Variants in CAMK1D observed in about 807,000 individuals in gnomAD.
CAMK1D encodes calcium/calmodulin dependent protein kinase ID.
A neutral mutation model predicts 47.7 loss-of-function variants in CAMK1D; 9 were observed. That is an observed-to-expected ratio of 0.19 (90% CI 0.11 to 0.33). The LOEUF is 0.33. CAMK1D is among the 10% of genes least tolerant of loss of function. The probability of loss-of-function intolerance (pLI) is 1.00; values close to 1 mark genes in which losing one functional copy is unlikely to be tolerated. For missense variants in CAMK1D, 291 were observed against 488.7 expected, an observed-to-expected ratio of 0.60 and a Z score of 3.81; for synonymous variants, 184 against 184.9, an observed-to-expected ratio of 0.99 and a Z score of 0.04.
At chr10:12,465,547 G>A (rs556427565) in intron 1 of CAMK1D, among the ~76,000 whole-genome samples, 4 of 152,224 alleles carry the variant, frequency 2.6e-5, no homozygotes, top group African/African-American at 7.2e-5. Context: ...TAGAGATGGC[G>A]TTTCACCATG....
intron 1 of CAMK1D, among the ~76,000 whole-genome samples, chr10:12,420,284 G>T (rs1386309289): frequency 6.6e-6 from 1 of 152,166 alleles, no homozygotes; most frequent in African/African-American, 2.4e-5. Context: ...TAAAAAATAC[G>T]GTATTTTAGT....
chr10:12,641,134 A>G (rs1271947189), intron 2 of CAMK1D, among the ~76,000 whole-genome samples: 1 of 151,832 alleles, frequency 6.6e-6, no homozygotes, highest in Non-Finnish European at 1.5e-5. Flanking sequence ...ATGCCCTGCT[A>G]ATTTTTGTGT....
chr10:12,625,129 G>A (rs1467000641), intron 2 of CAMK1D, among the ~76,000 whole-genome samples: 1 of 151,980 alleles, frequency 6.6e-6, no homozygotes, highest in Non-Finnish European at 1.5e-5. Context: ...CTGAGGTGAG[G>A]AGTTCGAGAC....
At chr10:12,689,446 C>G (rs528660205) in intron 3 of CAMK1D, among the ~76,000 whole-genome samples, 1 of 152,078 alleles carries the variant, frequency 6.6e-6, no homozygotes, top group Admixed American at 6.6e-5. Context: ...GTAAAAGTAC[C>G]CGTGAAGTGG....
At chr10:12,668,621 G>T (rs988198186) in intron 3 of CAMK1D, among the ~76,000 whole-genome samples, 1 of 152,196 alleles carries the variant, frequency 6.6e-6, no homozygotes, top group African/African-American at 2.4e-5. Flanking sequence ...TAGGTCTTCA[G>T]TACACGTGGT....
chr10:12,544,528 TATA>T (rs2132252432), intron 1 of CAMK1D, among the ~76,000 whole-genome samples: 1 of 152,378 alleles, frequency 6.6e-6, no homozygotes, highest in South Asian at 2.1e-4. Flanking sequence ...TATTCAACTG[TATA>T]ATATTACTTA....
intron 1 of CAMK1D, among the ~76,000 whole-genome samples, chr10:12,539,474 C>G (rs1342891209): frequency 6.6e-6 from 1 of 152,142 alleles, no homozygotes; most frequent in Non-Finnish European, 1.5e-5. Flanking sequence ...ACATTCTGTC[C>G]CGTCGTTGCT....
At chr10:12,786,517 A>T (rs1837729632) in intron 5 of CAMK1D, among the ~76,000 whole-genome samples, 1 of 152,210 alleles carries the variant, frequency 6.6e-6, no homozygotes, top group African/African-American at 2.4e-5. Context: ...CCATAGTGTT[A>T]TCCAAAGCAG....
chr10:12,511,353 C>G (rs1835033114), intron 1 of CAMK1D, among the ~76,000 whole-genome samples: 1 of 152,102 alleles, frequency 6.6e-6, no homozygotes, highest in Non-Finnish European at 1.5e-5. Context: ...GGAATCCCAG[C>G]ACTTTGGGAG....
intron 1 of CAMK1D, among the ~76,000 whole-genome samples, chr10:12,428,536 C>T (rs1840329554): frequency 6.6e-6 from 1 of 152,182 alleles, no homozygotes; most frequent in Non-Finnish European, 1.5e-5. Context: ...GATCTGATAG[C>T]TTTCCCGTGG....
intron 1 of CAMK1D, among the ~76,000 whole-genome samples, chr10:12,506,276 C>G (rs114569544): frequency 1.1e-3 from 172 of 152,118 alleles, no homozygotes; most frequent in Admixed American, 8.5e-3. Flanking sequence ...AAAAACTAGC[C>G]GAGTGGGGTG....
intron 6 of CAMK1D, among the ~76,000 whole-genome samples, chr10:12,799,903 T>C (rs998709952): frequency 1.3e-5 from 2 of 152,198 alleles, no homozygotes; most frequent in African/African-American, 4.8e-5. Context: ...ATTTCAGTCG[T>C]GCATCAACTT....
intron 3 of CAMK1D, among the ~76,000 whole-genome samples, chr10:12,690,303 A>G (rs1832826949): frequency 6.6e-6 from 1 of 152,192 alleles, no homozygotes; most frequent in Non-Finnish European, 1.5e-5. Context: ...GGTTGTTAAT[A>G]AAAGACCATG....
At chr10:12,646,503 T>C (rs1240974935) in intron 2 of CAMK1D, among the ~76,000 whole-genome samples, 3 of 152,166 alleles carry the variant, frequency 2.0e-5, no homozygotes, top group Non-Finnish European at 2.9e-5. Flanking sequence ...GAGACAGTCA[T>C]AGGTTTTGTT....
At chr10:12,441,388 G>A (rs1832779439) in intron 1 of CAMK1D, among the ~76,000 whole-genome samples, 1 of 151,922 alleles carries the variant, frequency 6.6e-6, no homozygotes, top group Non-Finnish European at 1.5e-5. Context: ...TTAGAGATGG[G>A]TTTTCACCAT....
chr10:12,397,461 C>G (rs1839002640), intron 1 of CAMK1D, among the ~76,000 whole-genome samples: 3 of 152,170 alleles, frequency 2.0e-5, no homozygotes, highest in Admixed American at 2.0e-4. Context: ...TCTTGACCTA[C>G]CCAAGCGGAG....
chr10:12,396,894 G>A (rs1588440575), intron 1 of CAMK1D, among the ~76,000 whole-genome samples: 1 of 152,206 alleles, frequency 6.6e-6, no homozygotes, highest in Non-Finnish European at 1.5e-5. Context: ...AGCTGAATGA[G>A]GGGCCCAGGA....
At chr10:12,674,225 G>C (rs1462803200) in intron 3 of CAMK1D, among the ~76,000 whole-genome samples, 1 of 152,226 alleles carries the variant, frequency 6.6e-6, no homozygotes, top group East Asian at 1.9e-4. Context: ...GTGAGCCACT[G>C]CTCCTGGCCC....
chr10:12,770,739 C>T (rs1338408403), intron 5 of CAMK1D, among the ~76,000 whole-genome samples: 2 of 152,012 alleles, frequency 1.3e-5, no homozygotes, highest in Non-Finnish European at 2.9e-5. Context: ...GGGCCTTGGT[C>T]TCAGTGGCAA....
Sources: allele counts gnomAD v4.1 joint callset (sites outside exome capture counted in the v4.1 genomes callset), GRCh38; gene constraint gnomAD v4.1.1; transcripts MANE v1.5; gene names NCBI Gene and HGNC (gene_info 2026-07-23, HGNC 2026-07-21).